The following EPHA6 variants were observed in gnomAD, a reference collection of about 807,000 sequenced individuals.
EPHA6 encodes ephrin type-A receptor 6.
A neutral mutation model predicts 112.0 loss-of-function variants in EPHA6; 50 were observed. The observed-to-expected ratio is 0.45, with a 90% CI of 0.36 to 0.56. The LOEUF (loss-of-function observed/expected upper bound fraction) is 0.56, where lower values mean the gene tolerates loss of function less well. EPHA6 is among the 20% of genes least tolerant of loss of function. EPHA6 has a pLI of 0.00. For missense variants in EPHA6, 1,280 were observed against 1,417.4 expected, an observed-to-expected ratio of 0.90 and a Z score of 1.56; for synonymous variants, 529 against 490.7, an observed-to-expected ratio of 1.08 and a Z score of -1.03.
chr3:96,949,710 T>G (rs2041445281), intron 2 of EPHA6, among the ~76,000 whole-genome samples: 1 of 152,116 alleles, frequency 6.6e-6, no homozygotes, highest in African/African-American at 2.4e-5. Context: ...TTTAAAATCA[T>G]ATTTATTTCT....
chr3:97,437,197 A>G (rs576183521), intron 6 of EPHA6, among the ~76,000 whole-genome samples: 3 of 152,270 alleles, frequency 2.0e-5, no homozygotes, highest in Admixed American at 6.5e-5. Context: ...TGGAATATGC[A>G]TGATTTTAGA....
chr3:97,181,006 G>A (rs796833117), intron 3 of EPHA6, among the ~76,000 whole-genome samples: 9 of 152,072 alleles, frequency 5.9e-5, no homozygotes, highest in South Asian at 4.1e-4. Context: ...ACAGAGTGAT[G>A]TAGCCCTCTG....
At chr3:97,042,919 C>G (rs979288499) in intron 3 of EPHA6, among the ~76,000 whole-genome samples, 1 of 152,126 alleles carries the variant, frequency 6.6e-6, no homozygotes, top group South Asian at 2.1e-4. Flanking sequence ...CACTGTAGCT[C>G]CCTGCCAGCT....
chr3:97,328,542 G>A (rs567277619), intron 5 of EPHA6, among the ~76,000 whole-genome samples: 53 of 151,748 alleles, frequency 3.5e-4, no homozygotes, highest in African/African-American at 1.3e-3. Flanking sequence ...CTAATTGATT[G>A]TTTTTTATTT....
intron 2 of EPHA6, among the ~76,000 whole-genome samples, chr3:96,898,042 G>T (rs1157201815): frequency 6.6e-6 from 1 of 152,072 alleles, no homozygotes; most frequent in Non-Finnish European, 1.5e-5. Context: ...AGAAAATATT[G>T]ATTTTATAAT....
chr3:97,575,656 A>G (rs1382676579), intron 11 of EPHA6, among the ~76,000 whole-genome samples: 1 of 152,216 alleles, frequency 6.6e-6, no homozygotes, highest in Admixed American at 6.5e-5. Context: ...TGTGATATAA[A>G]TCATAAGTAT....
chr3:96,927,639 C>T (rs1485354746), intron 2 of EPHA6, among the ~76,000 whole-genome samples: 2 of 152,094 alleles, frequency 1.3e-5, no homozygotes, highest in African/African-American at 2.4e-5. Context: ...CATCTGAGAC[C>T]ACCTCAGCCT....
intron 3 of EPHA6, among the ~76,000 whole-genome samples, chr3:97,168,567 TTCTCTCTG>T (rs1330767541): frequency 2.0e-5 from 3 of 148,856 alleles, no homozygotes; most frequent in Admixed American, 1.4e-4. Context: ...TTCTCTCTCT[TTCTCTCTG>T]TCTCTCTCTC....
At chr3:97,272,632 G>T (rs113732524) in intron 5 of EPHA6, among the ~76,000 whole-genome samples, 5 of 152,146 alleles carry the variant, frequency 3.3e-5, no homozygotes, top group African/African-American at 1.2e-4. Context: ...TACAGTCAAA[G>T]GGGGGTGTTC....
At chr3:97,458,067 CAAAAAAAAAAA>C (rs68128372) in intron 7 of EPHA6, among the ~76,000 whole-genome samples, 4 of 50,576 alleles carry the variant, frequency 7.9e-5, no homozygotes, top group South Asian at 1.2e-3. Context: ...GACTCCGTCT[CAAAAAAAAAAA>C]AAAAAAAAAA....
chr3:97,191,004 T>G (rs2077291235), intron 3 of EPHA6, among the ~76,000 whole-genome samples: 1 of 152,112 alleles, frequency 6.6e-6, no homozygotes, highest in Non-Finnish European at 1.5e-5. Context: ...TAACTGAAAT[T>G]TCATGTCCCT....
At chr3:97,319,189 T>C (rs1252965975) in intron 5 of EPHA6, among the ~76,000 whole-genome samples, 5 of 151,106 alleles carry the variant, frequency 3.3e-5, no homozygotes, top group African/African-American at 1.2e-4. Flanking sequence ...GTGTCTTCTG[T>C]GAAAGAAGAG....
rs770621500 is a variant in EPHA6 at position 97,532,531 on chromosome 3, G to T, written c.2374G>T (p.Val792Phe). The part of the protein sequence containing the change: ...DHPNIIRLEG[V>F]VTKRSFPAIG... ...TCCAAACATCATTCGCCTAGAAGGG[G>T]TTGTCACCAAAAGTAAGTTACTGAG... Residue 792 changes from valine to phenylalanine, a missense_variant, in exon 11 of 18, where the codon GTT becomes TTT. By Grantham distance (50) the Val-to-Phe change is conservative. This residue lies in a region of EPHA6 where 878 missense variants were observed against 999.7 expected (regional missense o/e 0.88). Transcript: ENST00000389672. 6.3e-7 allele frequency: 1 copy of T among 1,598,628 alleles called. No homozygotes were observed. Among genetic ancestry groups the T allele is most frequent in the Non-Finnish European group, 8.5e-7 (1 of 1,173,460 alleles).
chr3:97,143,527 T>C (rs2075962825), intron 3 of EPHA6, among the ~76,000 whole-genome samples: 1 of 151,778 alleles, frequency 6.6e-6, no homozygotes, highest in Non-Finnish European at 1.5e-5. Context: ...TCTGTCGTTT[T>C]CCAAATGTTG....
intron 7 of EPHA6, among the ~76,000 whole-genome samples, chr3:97,455,862 A>G (rs1240359361): frequency 6.6e-6 from 1 of 152,086 alleles, no homozygotes; most frequent in Non-Finnish European, 1.5e-5. Flanking sequence ...CAAAAAAAAA[A>G]AAGATATTTT....
At chr3:97,418,811 T>C (rs2088353321) in intron 6 of EPHA6, among the ~76,000 whole-genome samples, 1 of 151,918 alleles carries the variant, frequency 6.6e-6, no homozygotes, top group Non-Finnish European at 1.5e-5. Flanking sequence ...AAGAAATAAA[T>C]ACAAGATAAA....
At chr3:97,203,874 C>T (rs956631087) in intron 3 of EPHA6, among the ~76,000 whole-genome samples, 1 of 152,018 alleles carries the variant, frequency 6.6e-6, no homozygotes. Context: ...GGCTGATATA[C>T]CTAATGCTAG....
intron 2 of EPHA6, among the ~76,000 whole-genome samples, chr3:96,891,641 G>A (rs1306834843): frequency 2.0e-5 from 3 of 152,162 alleles, no homozygotes; most frequent in Non-Finnish European, 2.9e-5. Flanking sequence ...CCCGGGAGGC[G>A]GAGGTTTCAA....
intron 10 of EPHA6, among the ~76,000 whole-genome samples, chr3:97,495,326 G>A (rs905945162): frequency 2.7e-5 from 4 of 150,714 alleles, no homozygotes; most frequent in African/African-American, 9.7e-5. Context: ...AATAGATATA[G>A]ATATGTTGAA....
Sources: allele counts gnomAD v4.1 joint callset (sites outside exome capture counted in the v4.1 genomes callset), GRCh38; gene constraint gnomAD v4.1.1; regional missense constraint gnomAD v4.1.1; transcripts MANE v1.5; gene names NCBI Gene and HGNC (gene_info 2026-07-23, HGNC 2026-07-21).